PSD2: variants seen among roughly 807,000 people sequenced by gnomAD.
PSD2 encodes the protein PH and SEC7 domain-containing protein 2.
In PSD2, 38 loss-of-function variants were observed where a neutral mutation model predicts 69.8. The ratio of observed to expected loss-of-function variants is 0.54; its 90% confidence interval spans 0.42 to 0.71. The LOEUF (loss-of-function observed/expected upper bound fraction) is 0.71. Ranked by LOEUF, PSD2 falls within the 30% of genes least tolerant of loss-of-function variation. The pLI is 0.00. For synonymous variants in PSD2, 412 were observed against 423.0 expected (o/e 0.97, Z 0.32); for missense variants, 943 against 1,014.5 (o/e 0.93, Z 0.96).
intron 14 of PSD2, among the ~76,000 whole-genome samples, chr5:139,841,073 A>C (rs979758573): frequency 6.6e-6 from 1 of 152,116 alleles, no homozygotes; most frequent in Admixed American, 6.6e-5. Context: ...GCCCCTGACA[A>C]TCACCATTCT....
chr5:139,830,010 G>GAAAA (rs537099756), intron 7 of PSD2, among the ~76,000 whole-genome samples: 5 of 111,320 alleles, frequency 4.5e-5, no homozygotes, highest in Admixed American at 9.6e-5. Flanking sequence ...CTTTTTTTTT[G>GAAAA]AAAAAAAAAA....
chr5:139,832,115 C>G (rs1283870053), intron 7 of PSD2, among the ~76,000 whole-genome samples: 1 of 152,138 alleles, frequency 6.6e-6, no homozygotes, highest in Non-Finnish European at 1.5e-5. Flanking sequence ...GAAGGTTCAC[C>G]CACAAGAAGA....
intron 7 of PSD2, among the ~76,000 whole-genome samples, chr5:139,827,105 T>C (rs968592595): frequency 6.6e-6 from 1 of 152,246 alleles, no homozygotes; most frequent in African/African-American, 2.4e-5. Flanking sequence ...GCAAGAGGAA[T>C]GAGGTGATCC....
At chr5:139,788,222 G>T in the PSD2 span, among the ~76,000 whole-genome samples, 1,360 of 96,692 alleles carry the variant, frequency 0.014, 26 homozygotes, top group African/African-American at 0.048. Context: ...GGCTCCCCCA[G>T]CCCGAGCTCC....
At chr5:139,777,709 C>T in the PSD2 span, among the ~76,000 whole-genome samples, 1 of 152,006 alleles carries the variant, frequency 6.6e-6, no homozygotes, top group Non-Finnish European at 1.5e-5. Flanking sequence ...CATGGCCAGA[C>T]CTCATCTCTA....
chr5:139,769,120 C>T, the PSD2 span, among the ~76,000 whole-genome samples: 1 of 151,986 alleles, frequency 6.6e-6, no homozygotes, highest in African/African-American at 2.4e-5. Context: ...GGAAGACTTC[C>T]TGAAGGAGGT....
chr5:139,792,872 T>G (rs1336370661), upstream of PSD2, among the ~76,000 whole-genome samples: 1 of 133,642 alleles, frequency 7.5e-6, no homozygotes, highest in African/African-American at 2.9e-5. Flanking sequence ...CCTTCCTTCC[T>G]TCCTTCCTTC....
rs970819248 is a variant in PSD2 at position 139,843,857 on chromosome 5, T to C, written c.*1383T>C. The C allele has an allele frequency of 6.6e-6, 1 of 152,222 alleles. No individual in the cohort carries two copies. The highest frequency in any genetic ancestry group is 2.4e-5 in the African/African-American group (1 of 41,452). The allele number at this position is 152,222 out of a possible 1,614,324, so 9.4% of individuals were successfully genotyped here. A position where few individuals can be genotyped will look rare whatever the true frequency, so the allele number is the denominator to read the frequency against. Reference sequence around the variant, plus strand: ...TATGAAGAGCGAATCCTCTCTATTGTTTAAATAGATTACTGTAGTTTGGCC... The same window carrying C: ...TATGAAGAGCGAATCCTCTCTATTGCTTAAATAGATTACTGTAGTTTGGCC... On this transcript the variant is annotated 3_prime_UTR_variant, in exon 15 of 15. Coordinates refer to ENST00000274710, the MANE Select transcript of PSD2 (RefSeq NM_032289.4).
At chr5:139,792,872 T>TTCCA (rs1200445070), upstream of PSD2, among the ~76,000 whole-genome samples, 1 of 133,642 alleles carries the variant, frequency 7.5e-6, no homozygotes, top group Non-Finnish European at 1.6e-5. Flanking sequence ...CCTTCCTTCC[T>TTCCA]TCCTTCCTTC....
chr5:139,759,257 C>T, the PSD2 span, among the ~76,000 whole-genome samples: 3 of 152,102 alleles, frequency 2.0e-5, no homozygotes, highest in Non-Finnish European at 4.4e-5. Context: ...TGCCTCTGGA[C>T]GCTGAAAAAT....
At chr5:139,748,129 G>A in the PSD2 span, among the ~76,000 whole-genome samples, 1 of 152,076 alleles carries the variant, frequency 6.6e-6, no homozygotes, top group Non-Finnish European at 1.5e-5. Context: ...GACCCCCGGG[G>A]CCCCAGCACT....
intron 7 of PSD2, among the ~76,000 whole-genome samples, chr5:139,823,595 G>A (rs903480389): frequency 1.3e-5 from 2 of 152,212 alleles, no homozygotes; most frequent in African/African-American, 2.4e-5. Flanking sequence ...TGGTAGCTGT[G>A]TGATCCCGGG....
chr5:139,789,292 G>A, the PSD2 span, among the ~76,000 whole-genome samples: 13,579 of 152,248 alleles, frequency 0.089, 658 homozygotes, highest in African/African-American at 0.11. Flanking sequence ...AGACAGTCAC[G>A]ACACAGTATG....
intron 13 of PSD2, among the ~76,000 whole-genome samples, chr5:139,838,977 G>T (rs1388111475): frequency 6.6e-6 from 1 of 152,196 alleles, no homozygotes; most frequent in African/African-American, 2.4e-5. Flanking sequence ...AGGGGCCACA[G>T]CTGTGGCAGG....
intron 1 of PSD2, among the ~76,000 whole-genome samples, chr5:139,808,772 C>T (rs1340101265): frequency 4.6e-5 from 7 of 152,234 alleles, no homozygotes; most frequent in Non-Finnish European, 7.3e-5. Flanking sequence ...CTGGACAGCG[C>T]CCCACGCTGG....
the PSD2 span, among the ~76,000 whole-genome samples, chr5:139,788,403 CCGCGCGCCCCGCTCCCTGGG>C: frequency 1.2e-3 from 176 of 152,356 alleles, 2 homozygotes; most frequent in East Asian, 0.031. Flanking sequence ...CCTAACCGCG[CCGCGCGCCCCGCTCCCTGGG>C]CCTCAGTGCG....
At chr5:139,832,040 A>C (rs558059545) in intron 7 of PSD2, among the ~76,000 whole-genome samples, 26 of 151,726 alleles carry the variant, frequency 1.7e-4, no homozygotes, top group South Asian at 1.0e-3. Flanking sequence ...ACCTCTCCAC[A>C]CTCCCCTGCA....
intron 2 of PSD2, among the ~76,000 whole-genome samples, chr5:139,812,674 G>A (rs911092043): frequency 1.3e-5 from 2 of 152,182 alleles, no homozygotes; most frequent in Admixed American, 6.5e-5. Context: ...TGCTCTCTCT[G>A]AGGAGGTGGC....
At chr5:139,795,498 C>T (rs1759495530), upstream of PSD2, among the ~76,000 whole-genome samples, 1 of 152,150 alleles carries the variant, frequency 6.6e-6, no homozygotes, top group South Asian at 2.1e-4. This position sits in a 1 kb window ranked among gnomAD's most constrained non-coding sequence, Gnocchi z 4.5. Context: ...GTGGTTGGGT[C>T]TGCCCGAGGG....
Sources: gnomAD v4.1 joint callset for allele counts (sites outside exome capture counted in the v4.1 genomes callset) on GRCh38, gnomAD v4.1.1 for gene constraint, Gnocchi (gnomAD v3.1) non-coding constraint, MANE v1.5 for transcripts, NCBI Gene and HGNC (gene_info 2026-07-23, HGNC 2026-07-21) for gene names.